Variants in PRR16 observed in about 807,000 individuals in gnomAD.
The protein encoded by PRR16 is proline rich 16.
Under a neutral mutation model 18.2 loss-of-function variants are expected in PRR16, and 6 were observed. The observed-to-expected ratio is 0.33, with a 90% CI of 0.18 to 0.65. The LOEUF is 0.65. Ranked by LOEUF, PRR16 falls within the 30% of genes least tolerant of loss-of-function variation. The probability of loss-of-function intolerance (pLI) is 0.74; values close to 1 mark genes in which losing one functional copy is unlikely to be tolerated. For missense variants in PRR16, 412 were observed against 376.6 expected, an observed-to-expected ratio of 1.09 and a Z score of -0.78; for synonymous variants, 151 against 147.8, an observed-to-expected ratio of 1.02 and a Z score of -0.16.
At chr5:120,570,242 TAG>T (rs1752864010) in intron 1 of PRR16, among the ~76,000 whole-genome samples, 1 of 152,044 alleles carries the variant, frequency 6.6e-6, no homozygotes, top group Non-Finnish European at 1.5e-5. Flanking sequence ...TACCTGTGGA[TAG>T]AGAGGATAGG....
the PRR16 span, among the ~76,000 whole-genome samples, chr5:120,730,094 G>C: frequency 2.6e-5 from 4 of 152,046 alleles, no homozygotes; most frequent in African/African-American, 4.8e-5. Context: ...ACTACTTTTT[G>C]AGCTTTTCTG....
intron 1 of PRR16, among the ~76,000 whole-genome samples, chr5:120,472,809 C>T (rs1481131751): frequency 2.0e-5 from 3 of 152,114 alleles, no homozygotes; most frequent in Non-Finnish European, 2.9e-5. Flanking sequence ...TTATAATTCA[C>T]GACTTTGCAA....
At chr5:120,713,894 C>A in the PRR16 span, among the ~76,000 whole-genome samples, 1 of 152,044 alleles carries the variant, frequency 6.6e-6, no homozygotes, top group Non-Finnish European at 1.5e-5. Context: ...CATAAGCAAT[C>A]TTTTTCCAAG....
intron 1 of PRR16, among the ~76,000 whole-genome samples, chr5:120,477,209 C>G (rs1326625873): frequency 2.6e-5 from 4 of 152,092 alleles, no homozygotes; most frequent in Non-Finnish European, 5.9e-5. Context: ...AAATTTGTAT[C>G]TCCAACCCAA....
intron 1 of PRR16, among the ~76,000 whole-genome samples, chr5:120,645,813 C>T (rs1472898966): frequency 1.2e-4 from 15 of 121,784 alleles, no homozygotes; most frequent in Non-Finnish European, 2.8e-4. Context: ...CACTTCCAGG[C>T]ATTACATCTC....
chr5:120,486,411 C>T (rs1187140337), intron 1 of PRR16, among the ~76,000 whole-genome samples: 2 of 150,242 alleles, frequency 1.3e-5, no homozygotes, highest in Non-Finnish European at 2.9e-5. Context: ...TGATGATGAG[C>T]ATTTTTTCAT....
chr5:120,663,679 C>G (rs1756256070), intron 1 of PRR16, among the ~76,000 whole-genome samples: 1 of 152,152 alleles, frequency 6.6e-6, no homozygotes, highest in Admixed American at 6.5e-5. Context: ...ATCTAAGAAG[C>G]TCTTGCCTCT....
chr5:120,766,127 G>A, the PRR16 span, among the ~76,000 whole-genome samples: 1 of 151,932 alleles, frequency 6.6e-6, no homozygotes, highest in African/African-American at 2.4e-5. Flanking sequence ...CACAAAAAAT[G>A]GAATCCGTGA....
intron 1 of PRR16, among the ~76,000 whole-genome samples, chr5:120,647,092 A>G (rs73257974): frequency 0.1 from 15,509 of 152,008 alleles, 2,328 homozygotes; most frequent in African/African-American, 0.33. Context: ...TGCCTTCGAA[A>G]ATTAAGTAAA....
the PRR16 span, among the ~76,000 whole-genome samples, chr5:120,766,362 T>TAAGAAAAC: frequency 1.2e-4 from 19 of 152,010 alleles, no homozygotes; most frequent in Non-Finnish European, 2.4e-4. Context: ...AGTTAAGCAT[T>TAAGAAAAC]AAGAAAACAC....
At position 120,490,975 on chromosome 5, in the gene PRR16, G is replaced by T. The variant is rs541335251; in HGVS notation, c.159+26330G>T. ...GGAGGCTGCACAACAGCGGATATTGGTGAACAGCAAATGTTGCTGCCTGAT... is the reference window on the plus strand; with the variant it reads ...GGAGGCTGCACAACAGCGGATATTGTTGAACAGCAAATGTTGCTGCCTGAT... On this transcript the variant is annotated intron_variant, in intron 1 of 1. Coordinates refer to ENST00000407149, the MANE Select transcript of PRR16 (RefSeq NM_001300783.2). 6.6e-5 allele frequency among the ~76,000 whole-genome samples: 10 copies of T among 152,304 alleles called. No individual in the cohort carries two copies. In the South Asian group the frequency reaches 2.1e-3, roughly 32 times the overall value.
intron 1 of PRR16, among the ~76,000 whole-genome samples, chr5:120,609,393 C>G (rs577516509): frequency 6.6e-6 from 1 of 151,422 alleles, no homozygotes; most frequent in African/African-American, 2.4e-5. Flanking sequence ...CTGGTTAGCT[C>G]TATCCTACTT....
chr5:120,783,687 CACCTAAA>C, the PRR16 span, among the ~76,000 whole-genome samples: 1,218 of 152,200 alleles, frequency 8.0e-3, 7 homozygotes, highest in Middle Eastern at 0.027. Context: ...GGACACCCAT[CACCTAAA>C]ACATTTATCA....
chr5:120,658,970 C>T (rs1756081531), intron 1 of PRR16, among the ~76,000 whole-genome samples: 2 of 151,788 alleles, frequency 1.3e-5, no homozygotes, highest in South Asian at 4.1e-4. Context: ...TGGTCACAAT[C>T]AGGGTTCTTT....
the PRR16 span, among the ~76,000 whole-genome samples, chr5:120,697,224 C>T: frequency 6.6e-6 from 1 of 152,100 alleles, no homozygotes; most frequent in Admixed American, 6.5e-5. Flanking sequence ...GAGGATGAGG[C>T]TTTTAGTTAG....
the PRR16 span, among the ~76,000 whole-genome samples, chr5:120,779,473 A>G: frequency 1.3e-5 from 2 of 152,184 alleles, no homozygotes; most frequent in African/African-American, 4.8e-5. Context: ...GTTAGGATCA[A>G]GAAACATCCT....
chr5:120,602,464 G>A (rs976278642), intron 1 of PRR16, among the ~76,000 whole-genome samples: 1 of 151,958 alleles, frequency 6.6e-6, no homozygotes, highest in African/African-American at 2.4e-5. Context: ...TAGCCTTTTG[G>A]CAGAGTCTTT....
intron 1 of PRR16, among the ~76,000 whole-genome samples, chr5:120,668,289 A>T (rs372389397): frequency 7.3e-4 from 109 of 150,006 alleles, no homozygotes; most frequent in African/African-American, 2.4e-3. Flanking sequence ...CTGCCTTTTT[A>T]TGTTTTCCAT....
chr5:120,530,961 G>A (rs1451374866), intron 1 of PRR16, among the ~76,000 whole-genome samples: 1 of 152,084 alleles, frequency 6.6e-6, no homozygotes, highest in Non-Finnish European at 1.5e-5. Context: ...GCATACCTTA[G>A]TGCAACAAAA....
Sources: allele counts gnomAD v4.1 joint callset (sites outside exome capture counted in the v4.1 genomes callset), GRCh38; gene constraint gnomAD v4.1.1; transcripts MANE v1.5; gene names NCBI Gene and HGNC (gene_info 2026-07-23, HGNC 2026-07-21).